Variants in PDE10A observed in about 807,000 individuals in gnomAD.
The protein encoded by PDE10A is cAMP and cAMP-inhibited cGMP 3',5'-cyclic phosphodiesterase 10A.
A neutral mutation model predicts 97.7 loss-of-function variants in PDE10A; 39 were observed. The ratio of observed to expected loss-of-function variants is 0.40; its 90% CI spans 0.31 to 0.52. PDE10A has a LOEUF of 0.52. Ranked by LOEUF, PDE10A falls within the 20% of genes least tolerant of loss-of-function variation. The pLI is 0.56. For synonymous variants in PDE10A, 371 were observed against 376.8 expected (o/e 0.98, Z 0.18); for missense variants, 731 against 1,047.8 (o/e 0.70, Z 4.17).
At chr6:165,411,565 T>A (rs1787839632) in intron 13 of PDE10A, among the ~76,000 whole-genome samples, 1 of 152,236 alleles carries the variant, frequency 6.6e-6, no homozygotes, top group Admixed American at 6.5e-5. Flanking sequence ...AATTTCCTGT[T>A]GTTTAAGCCA....
intron 1 of PDE10A, among the ~76,000 whole-genome samples, chr6:165,639,830 G>A (rs1789046809): frequency 6.6e-6 from 1 of 152,014 alleles, no homozygotes; most frequent in African/African-American, 2.4e-5. Flanking sequence ...CACTTTGGGA[G>A]GCCAAGGAGG....
chr6:165,624,700 G>A (rs1381663414), intron 1 of PDE10A, among the ~76,000 whole-genome samples: 1 of 152,194 alleles, frequency 6.6e-6, no homozygotes, highest in Non-Finnish European at 1.5e-5. Flanking sequence ...ACCAGACACT[G>A]CTGCAGACCC....
chr6:165,891,577 T>C, intron 1 of PDE10A, among the ~76,000 whole-genome samples: 1 of 152,042 alleles, frequency 6.6e-6, no homozygotes, highest in East Asian at 1.9e-4. Context: ...AAGAGGATGC[T>C]GCCTGTCCCT....
chr6:165,331,436 C>T lies in PDE10A; in HGVS notation c.*1589G>A, dbSNP rs533646930. 1 of 152,102 alleles carries T rather than the reference C, an allele frequency of 6.6e-6. No individual in the cohort carries two copies. The highest frequency in any genetic ancestry group is 1.5e-5 in the Non-Finnish European group (1 of 68,012). 9.4% of individuals were successfully genotyped at this position (152,102 alleles called of 1,614,324 possible). On this transcript the variant is annotated 3_prime_UTR_variant, in exon 22 of 22. Transcript: ENST00000539869. ...CAACTTTGCTACAACATAAATAAACCATGTTGTAGAAGCCTCTGATTTAAT... is the reference window on the plus strand; with the variant it reads ...CAACTTTGCTACAACATAAATAAACTATGTTGTAGAAGCCTCTGATTTAAT...
At chr6:165,663,536 C>A (rs2128433644), upstream of PDE10A, among the ~76,000 whole-genome samples, 1 of 152,356 alleles carries the variant, frequency 6.6e-6, no homozygotes, top group Middle Eastern at 3.4e-3. Flanking sequence ...GGGAATCCTC[C>A]TGGTAGCGGG....
intron 2 of PDE10A, among the ~76,000 whole-genome samples, chr6:165,489,490 C>T (rs1562515159): frequency 6.6e-6 from 1 of 152,100 alleles, no homozygotes; most frequent in African/African-American, 2.4e-5. Context: ...ACAGTCTACC[C>T]AAATGAGAAG....
chr6:165,772,711 G>A (rs934436268), intron 1 of PDE10A, among the ~76,000 whole-genome samples: 2 of 152,124 alleles, frequency 1.3e-5, no homozygotes, highest in African/African-American at 4.8e-5. Context: ...ACAAATTTAG[G>A]GGCGGAAGTG....
intron 1 of PDE10A, among the ~76,000 whole-genome samples, chr6:165,556,582 C>A (rs1784266055): frequency 6.6e-6 from 1 of 152,202 alleles, no homozygotes; most frequent in South Asian, 2.1e-4. Flanking sequence ...AGACCCAACT[C>A]TCTGTCACCT....
intron 1 of PDE10A, among the ~76,000 whole-genome samples, chr6:165,692,789 C>T (rs1296881557): frequency 6.6e-6 from 1 of 152,178 alleles, no homozygotes; most frequent in Non-Finnish European, 1.5e-5. Context: ...CCACCTTTCC[C>T]TTCTTTCCTA....
intron 1 of PDE10A, among the ~76,000 whole-genome samples, chr6:165,738,834 T>C (rs933343285): frequency 2.3e-4 from 35 of 152,212 alleles, no homozygotes; most frequent in African/African-American, 8.2e-4. Flanking sequence ...TCTGTTCATG[T>C]CCTTCGCCCA....
intron 1 of PDE10A, among the ~76,000 whole-genome samples, chr6:165,654,115 A>G (rs796767734): frequency 1.3e-5 from 2 of 152,276 alleles, no homozygotes; most frequent in African/African-American, 4.8e-5. Flanking sequence ...TGTGTTTAGT[A>G]TATTTTTTAA....
At chr6:165,743,637 C>T (rs562991561) in intron 1 of PDE10A, among the ~76,000 whole-genome samples, 12 of 152,218 alleles carry the variant, frequency 7.9e-5, no homozygotes, top group Non-Finnish European at 1.6e-4. Flanking sequence ...CACAGCAGAC[C>T]CTAGATTGTC....
chr6:165,731,073 T>C (rs1792422901), intron 1 of PDE10A, among the ~76,000 whole-genome samples: 1 of 152,106 alleles, frequency 6.6e-6, no homozygotes, highest in African/African-American at 2.4e-5. Flanking sequence ...TAAAAAAATG[T>C]CAATTGTACA....
At chr6:165,966,417 C>T (rs144904750) in intron 1 of PDE10A, among the ~76,000 whole-genome samples, 1 of 152,226 alleles carries the variant, frequency 6.6e-6, no homozygotes, top group South Asian at 2.1e-4. Context: ...TCGCTGTAGC[C>T]TACTGCATGT....
chr6:165,659,622 C>G lies in PDE10A; in HGVS notation c.865+2325G>C, dbSNP rs1416969700. ...TACCTCAGTCATGTCCCAAATAAGA[C>G]TGTTCTAACCTTTTGCTCCTGTTCA... On this transcript the variant is annotated intron_variant, in intron 1 of 21. Coordinates refer to ENST00000539869, the MANE Select transcript of PDE10A (RefSeq NM_001385079.1). 2.6e-5 allele frequency among the ~76,000 whole-genome samples: 4 copies of G among 152,234 alleles called. No homozygotes were observed. In the East Asian group the frequency reaches 5.8e-4, roughly 22 times the overall value.
chr6:165,368,187 G>C (rs1356871223), intron 18 of PDE10A, among the ~76,000 whole-genome samples: 1 of 152,134 alleles, frequency 6.6e-6, no homozygotes, highest in African/African-American at 2.4e-5. Context: ...CTACAGATGG[G>C]GTTTCCCCAT....
intron 1 of PDE10A, among the ~76,000 whole-genome samples, chr6:165,782,921 G>T (rs1026260430): frequency 2.6e-5 from 4 of 152,160 alleles, no homozygotes; most frequent in African/African-American, 9.7e-5. Flanking sequence ...AAGAAGAAAA[G>T]CCACCTATGC....
chr6:165,782,875 G>T (rs148933782), intron 1 of PDE10A, among the ~76,000 whole-genome samples: 1 of 152,270 alleles, frequency 6.6e-6, no homozygotes, highest in African/African-American at 2.4e-5. Flanking sequence ...TATGGGAACC[G>T]TGTGTGATTT....
chr6:165,482,272 T>C (rs961872315), intron 3 of PDE10A, 43 bp downstream of exon 3: 18 of 1,316,724 alleles, frequency 1.4e-5, no homozygotes, highest in Non-Finnish European at 1.6e-5. Flanking sequence ...AACAGATTCA[T>C]TTCCTATACT....
Sources: allele counts gnomAD v4.1 joint callset (sites outside exome capture counted in the v4.1 genomes callset), GRCh38; gene constraint gnomAD v4.1.1; transcripts MANE v1.5; gene names NCBI Gene and HGNC (gene_info 2026-07-23, HGNC 2026-07-21).